The following PLCH1 variants were observed in gnomAD, a reference collection of about 807,000 sequenced individuals.
The protein encoded by PLCH1 is 1-phosphatidylinositol 4,5-bisphosphate phosphodiesterase eta-1.
PLCH1 carries 60 observed loss-of-function variants against 126.7 expected under a neutral mutation model. That is an observed-to-expected ratio of 0.47 (90% CI 0.38 to 0.59). The LOEUF (loss-of-function observed/expected upper bound fraction) is 0.59, where lower values mean the gene tolerates loss of function less well. Among genes scored for constraint, PLCH1 ranks in the 20% least tolerant of loss-of-function variants. The pLI is 0.00. For synonymous variants in PLCH1, 719 were observed against 734.9 expected (o/e 0.98, Z 0.35); for missense variants, 1,723 against 2,040.0 (o/e 0.84, Z 2.99).
intron 10 of PLCH1, among the ~76,000 whole-genome samples, chr3:155,543,050 C>T (rs111331422): frequency 6.6e-6 from 1 of 152,040 alleles, no homozygotes; most frequent in Admixed American, 6.5e-5. Context: ...ATGACTTTGC[C>T]GAGTTGAGAG....
intron 2 of PLCH1, among the ~76,000 whole-genome samples, chr3:155,672,025 C>T (rs1285458068): frequency 6.6e-6 from 1 of 152,080 alleles, no homozygotes; most frequent in Non-Finnish European, 1.5e-5. Context: ...ACAATACCGA[C>T]TAAAATCATA....
At chr3:155,729,730 C>G (rs1748614365) in intron 1 of PLCH1, among the ~76,000 whole-genome samples, 1 of 152,010 alleles carries the variant, frequency 6.6e-6, no homozygotes, top group Non-Finnish European at 1.5e-5. Context: ...CAAGACCAGC[C>G]TAAGTGACAT....
chr3:155,462,458 G>A (rs1335736493), intron 21 of PLCH1, among the ~76,000 whole-genome samples: 1 of 152,200 alleles, frequency 6.6e-6, no homozygotes, highest in Non-Finnish European at 1.5e-5. Context: ...CAGCAGTGGA[G>A]TGCAGCTTGA....
At position 155,593,952 on chromosome 3, in the gene PLCH1, C is replaced by G; in HGVS notation, c.459G>C (p.Arg153Ser). Residue 153 changes from arginine to serine, a missense_variant, in exon 4 of 23, where the codon AGG becomes AGC. Physicochemically the swap from Arg to Ser is moderately radical, Grantham distance 110 (BLOSUM62 -1). Transcript: ENST00000460012. ...TCTAGAAAGGATATTGGTCATGGGT[C>G]CTCTGCCTTTTGGCAAGGGAGTCTT... Reference protein sequence around the residue: ...SDEDSLAKRQRTHDQWVKQTF... With the variant: ...SDEDSLAKRQSTHDQWVKQTF... The G allele has an allele frequency of 1.2e-6, 2 of 1,614,038 alleles. No individual in the cohort carries two copies. Among genetic ancestry groups the G allele is most frequent in the Non-Finnish European group, 1.7e-6 (2 of 1,180,002 alleles).
At position 155,472,483 on chromosome 3, in the gene PLCH1, G is replaced by A. The variant is rs572660579; in HGVS notation, c.2938+12873C>T. On this transcript the variant is annotated intron_variant, in intron 21 of 21. Transcript: ENST00000494598. ...TCCAGGACCAGATGGATTCACAGCC[G>A]AATTCTACCAGAGGTACAAGGAGGA... Among the ~76,000 whole-genome samples, 724 of 151,438 alleles carry A rather than the reference G, an allele frequency of 4.8e-3. 2 individuals are homozygous for A. Among genetic ancestry groups the A allele is most frequent in the Non-Finnish European group, 7.6e-3 (517 of 67,640 alleles).
chr3:155,724,044 C>T (rs951187068), intron 1 of PLCH1, among the ~76,000 whole-genome samples: 7 of 151,288 alleles, frequency 4.6e-5, no homozygotes, highest in Non-Finnish European at 8.8e-5. Flanking sequence ...CATGTATTTG[C>T]ATGGTTTTGA....
chr3:155,590,941 T>C (rs1334241874), intron 4 of PLCH1, among the ~76,000 whole-genome samples: 4 of 152,220 alleles, frequency 2.6e-5, no homozygotes, highest in African/African-American at 9.6e-5. Context: ...ATATTTCTTA[T>C]AAAATTGTTT....
At chr3:155,744,284 T>A in intron 1 of PLCH1, among the ~76,000 whole-genome samples, 1 of 152,260 alleles carries the variant, frequency 6.6e-6, no homozygotes, top group East Asian at 1.9e-4. Context: ...CGGGCGCTCT[T>A]GGTTCTTCCC....
At chr3:155,652,630 A>G (rs1740843410) in intron 2 of PLCH1, among the ~76,000 whole-genome samples, 1 of 152,212 alleles carries the variant, frequency 6.6e-6, no homozygotes, top group Non-Finnish European at 1.5e-5. Context: ...ACATGCAGGA[A>G]GAGTTTTAAA....
intron 2 of PLCH1, among the ~76,000 whole-genome samples, chr3:155,685,226 A>G (rs1744843794): frequency 1.3e-5 from 2 of 152,236 alleles, no homozygotes; most frequent in African/African-American, 4.8e-5. Context: ...GGGAACATGA[A>G]GAAAACCAGT....
At chr3:155,541,858 T>A (rs894484382) in intron 10 of PLCH1, among the ~76,000 whole-genome samples, 1 of 151,654 alleles carries the variant, frequency 6.6e-6, no homozygotes, top group Non-Finnish European at 1.5e-5. Context: ...GTCTGTGAAA[T>A]GCAATAAAGT....
chr3:155,624,625 G>T (rs1736994341), intron 2 of PLCH1, among the ~76,000 whole-genome samples: 1 of 151,972 alleles, frequency 6.6e-6, no homozygotes, highest in African/African-American at 2.4e-5. Flanking sequence ...CAAACCATGA[G>T]TGAACTCCCA....
chr3:155,677,453 C>T (rs2109005319), intron 2 of PLCH1, among the ~76,000 whole-genome samples: 1 of 152,182 alleles, frequency 6.6e-6, no homozygotes, highest in East Asian at 1.9e-4. Context: ...ATGAAAATAT[C>T]CTTCTTGCAA....
chr3:155,565,235 A>T, intron 7 of PLCH1, 117 bp from the exon 8 acceptor site: 1 of 660,880 alleles, frequency 1.5e-6, no homozygotes, highest in Non-Finnish European at 2.7e-6. Context: ...TACCCTCAGG[A>T]TGGCATTTGT....
chr3:155,472,911 T>C (rs1486134614), intron 21 of PLCH1, among the ~76,000 whole-genome samples: 1 of 150,778 alleles, frequency 6.6e-6, no homozygotes, highest in African/African-American at 2.4e-5. Context: ...ATAAATTAGG[T>C]ATTGATGGGA....
intron 10 of PLCH1, among the ~76,000 whole-genome samples, chr3:155,544,350 A>T (rs1283837444): frequency 2.6e-5 from 4 of 152,336 alleles, no homozygotes; most frequent in East Asian, 1.9e-4. Flanking sequence ...TCCTAAATAT[A>T]TATGCACCCA....
intron 1 of PLCH1, among the ~76,000 whole-genome samples, chr3:155,709,073 A>G (rs1222438889): frequency 1.3e-5 from 2 of 152,198 alleles, no homozygotes; most frequent in African/African-American, 4.8e-5. Context: ...ACTTGGTGAT[A>G]TGCATTTAAT....
chr3:155,673,893 A>C (rs143936858), intron 2 of PLCH1, among the ~76,000 whole-genome samples: 2 of 152,346 alleles, frequency 1.3e-5, no homozygotes, highest in African/African-American at 4.8e-5. Flanking sequence ...ATCCCAGAAC[A>C]AATATGATTT....
intron 2 of PLCH1, among the ~76,000 whole-genome samples, chr3:155,614,573 CATAAAAATAGGCACATAGACCA>C (rs1374800017): frequency 6.6e-6 from 1 of 152,034 alleles, no homozygotes; most frequent in African/African-American, 2.4e-5. Flanking sequence ...ATAGTACTGG[CATAAAAATAGGCACATAGACCA>C]ATGGAACAGA....
Sources: gnomAD v4.1 joint callset for allele counts (sites outside exome capture counted in the v4.1 genomes callset) on GRCh38, gnomAD v4.1.1 for gene constraint, MANE v1.5 for transcripts, NCBI Gene and HGNC (gene_info 2026-07-23, HGNC 2026-07-21) for gene names.